Variants in ADAMTS3 observed in about 807,000 individuals in gnomAD.
ADAMTS3 encodes the protein ADAM metallopeptidase with thrombospondin type 1 motif 3.
Under a neutral mutation model 129.0 loss-of-function variants are expected in ADAMTS3, and 73 were observed. The ratio of observed to expected loss-of-function variants is 0.57; its 90% CI spans 0.47 to 0.69. ADAMTS3 has a LOEUF of 0.69. ADAMTS3 is among the 30% of genes least tolerant of loss of function. ADAMTS3 has a pLI of 0.00. For missense variants in ADAMTS3, 1,457 were observed against 1,514.5 expected (o/e 0.96, Z 0.63); for synonymous variants, 477 against 510.8 (o/e 0.93, Z 0.89).
chr4:72,391,746 G>GT (rs897142834), intron 4 of ADAMTS3, among the ~76,000 whole-genome samples: 8 of 151,564 alleles, frequency 5.3e-5, no homozygotes, highest in African/African-American at 1.9e-4. Flanking sequence ...AATAGTGAAG[G>GT]TTAAAAAAAA....
chr4:72,501,337 T>G (rs1309820654), intron 3 of ADAMTS3, among the ~76,000 whole-genome samples: 1 of 152,180 alleles, frequency 6.6e-6, no homozygotes, highest in Non-Finnish European at 1.5e-5. Flanking sequence ...ACCTCTTTGG[T>G]TACATGTATT....
intron 3 of ADAMTS3, among the ~76,000 whole-genome samples, chr4:72,475,920 A>T (rs1719217930): frequency 6.6e-6 from 1 of 152,130 alleles, no homozygotes; most frequent in Non-Finnish European, 1.5e-5. Flanking sequence ...GTCAAAATAC[A>T]TTCAAATGAA....
At chr4:72,327,685 C>T (rs1005155152) in intron 5 of ADAMTS3, among the ~76,000 whole-genome samples, 1 of 152,132 alleles carries the variant, frequency 6.6e-6, no homozygotes, top group Non-Finnish European at 1.5e-5. Flanking sequence ...TGCTGTAGTT[C>T]CACAGATCTG....
intron 3 of ADAMTS3, among the ~76,000 whole-genome samples, chr4:72,521,692 A>C (rs1335462910): frequency 6.6e-6 from 1 of 152,120 alleles, no homozygotes; most frequent in East Asian, 1.9e-4. Context: ...AGTGTACATT[A>C]CCTCCAGCTT....
rs963791906 is a variant in ADAMTS3, at chr4:72,320,984, T to C, written c.946-114A>G. 8 of 1,083,724 alleles carry C rather than the reference T, an allele frequency of 7.4e-6. No homozygotes were observed. The African/African-American group carries it at 1.1e-4, about 15-fold the overall frequency. 67.1% of individuals were successfully genotyped at this position (1,083,724 alleles called of 1,614,324 possible). A position where few individuals can be genotyped will look rare whatever the true frequency, so the allele number is the denominator to read the frequency against. The stretch of plus-strand genomic sequence containing the variant: ...AAGTATTTAAACAATGATTCAATAA[T>C]ATTTGGGGCTTATTCTGATATTTGC... On this transcript the variant is annotated intron_variant, in intron 6 of 21. Transcript: ENST00000286657.
chr4:72,512,756 T>C (rs1378753981), intron 3 of ADAMTS3, among the ~76,000 whole-genome samples: 1 of 152,122 alleles, frequency 6.6e-6, no homozygotes, highest in East Asian at 1.9e-4. Context: ...AAATTAAAAG[T>C]ATAAATAAAA....
At chr4:72,387,572 G>C (rs926213976) in intron 4 of ADAMTS3, among the ~76,000 whole-genome samples, 4 of 152,162 alleles carry the variant, frequency 2.6e-5, no homozygotes, top group African/African-American at 9.7e-5. Flanking sequence ...TTGGGGAAGG[G>C]AGTCAGCTTG....
chr4:72,478,444 CAT>C (rs1359756771), intron 3 of ADAMTS3, among the ~76,000 whole-genome samples: 3 of 108,278 alleles, frequency 2.8e-5, no homozygotes, highest in Non-Finnish European at 5.9e-5. Context: ...ACAAAAACCA[CAT>C]GATTATCTCA....
In ADAMTS3 at chr4:72,283,446, A is replaced by G. The variant is rs909045053; in HGVS notation, c.3308T>C (p.Leu1103Ser). Residue 1103 changes from leucine to serine, a missense_variant, in exon 22 of 22, where the codon TTG (leucine) becomes TCG (serine). Coordinates refer to ENST00000286657, the MANE Select transcript of ADAMTS3 (RefSeq NM_014243.3). ...HSETPAKKMS[L>S]SSISSVGGPN... ...ACCTCCCACTGAAGAGATGCTACTC[A>G]AAGACATCTTCTTTGCAGGGGTCTC... 1.5e-5 allele frequency: 25 copies of G among 1,613,976 alleles called. No homozygotes were observed. Among genetic ancestry groups the G allele is most frequent in the African/African-American group, 4.0e-5 (3 of 74,914 alleles).
chr4:72,525,283 T>A (rs1460156418), intron 3 of ADAMTS3, among the ~76,000 whole-genome samples: 1 of 152,188 alleles, frequency 6.6e-6, no homozygotes, highest in African/African-American at 2.4e-5. Context: ...GAGAAAGTGC[T>A]CCACCACACT....
chr4:72,413,015 C>A (rs1414277683), intron 4 of ADAMTS3, among the ~76,000 whole-genome samples: 5 of 151,936 alleles, frequency 3.3e-5, no homozygotes, highest in Non-Finnish European at 7.4e-5. Flanking sequence ...CTGTTAATTT[C>A]CCTATTCTAT....
chr4:72,438,512 T>C (rs1175418506), intron 3 of ADAMTS3, among the ~76,000 whole-genome samples: 1 of 151,742 alleles, frequency 6.6e-6, no homozygotes, highest in Non-Finnish European at 1.5e-5. Flanking sequence ...TTGTTTTACA[T>C]TTTTATAAAT....
intron 4 of ADAMTS3, among the ~76,000 whole-genome samples, chr4:72,341,731 C>T (rs1014890830): frequency 1.3e-5 from 2 of 152,132 alleles, no homozygotes; most frequent in Admixed American, 6.5e-5. Flanking sequence ...CTTTAACACA[C>T]CTTTGGTTTG....
intron 3 of ADAMTS3, among the ~76,000 whole-genome samples, chr4:72,417,426 T>C (rs908983969): frequency 6.6e-6 from 1 of 152,192 alleles, no homozygotes; most frequent in Non-Finnish European, 1.5e-5. Flanking sequence ...TCAGGCCACA[T>C]GATGTTATTT....
intron 19 of ADAMTS3, 23 bp downstream of exon 19, chr4:72,295,631 T>C: frequency 3.1e-6 from 5 of 1,593,856 alleles, no homozygotes; most frequent in African/African-American, 1.3e-5. Context: ...CCTCCAGATA[T>C]GATAGTTAAA....
At chr4:72,458,401 CA>C (rs1718680620) in intron 3 of ADAMTS3, among the ~76,000 whole-genome samples, 2 of 150,612 alleles carry the variant, frequency 1.3e-5, no homozygotes, top group Non-Finnish European at 3.0e-5. Context: ...AAATAGCAAG[CA>C]AAAAAATGCT....
intron 21 of ADAMTS3, among the ~76,000 whole-genome samples, chr4:72,286,744 G>A (rs1718515441): frequency 6.6e-6 from 1 of 152,106 alleles, no homozygotes; most frequent in African/African-American, 2.4e-5. Context: ...TGTGGTGGAT[G>A]GGGATGGGTG....
intron 4 of ADAMTS3, among the ~76,000 whole-genome samples, chr4:72,399,360 GA>G (rs1455845775): frequency 6.6e-6 from 1 of 152,060 alleles, no homozygotes; most frequent in African/African-American, 2.4e-5. Flanking sequence ...TTAAATCCAG[GA>G]GTTTGAGGTT....
chr4:72,473,755 G>A (rs1233842735), intron 3 of ADAMTS3, among the ~76,000 whole-genome samples: 1 of 152,108 alleles, frequency 6.6e-6, no homozygotes, highest in Non-Finnish European at 1.5e-5. Flanking sequence ...CTATCAGTGG[G>A]ACCATATGAA....
Sources: allele counts gnomAD v4.1 joint callset (sites outside exome capture counted in the v4.1 genomes callset), GRCh38; gene constraint gnomAD v4.1.1; transcripts MANE v1.5; gene names NCBI Gene and HGNC (gene_info 2026-07-23, HGNC 2026-07-21).